Variants in ZBTB4 observed in about 807,000 individuals in gnomAD.
ZBTB4 encodes zinc finger and BTB domain containing 4.
Under a neutral mutation model 59.8 loss-of-function variants are expected in ZBTB4, and 14 were observed. The observed-to-expected ratio is 0.23, with a 90% CI of 0.15 to 0.37. The LOEUF is 0.37. Among genes scored for constraint, ZBTB4 ranks in the 10% least tolerant of loss-of-function variants. ZBTB4 has a pLI of 1.00. For missense variants in ZBTB4, 1,198 were observed against 1,380.8 expected (o/e 0.87, Z 2.10); for synonymous variants, 587 against 575.2 (o/e 1.02, Z -0.29).
chr17:7,462,985 G>A lies in ZBTB4; in HGVS notation c.1997C>T (p.Pro666Leu). The A allele has an allele frequency of 6.2e-7, 1 of 1,609,044 alleles. No homozygotes were observed. The highest frequency in any genetic ancestry group is 8.5e-7 in the Non-Finnish European group (1 of 1,178,420). Residue 666 changes from proline to leucine, a missense_variant, in exon 4 of 4, where the codon CCC becomes CTC. Transcript: ENST00000380599. This position sits in a 1 kb window ranked among gnomAD's most constrained non-coding sequence, Gnocchi z 7.5. ...KAGGEDQLWRPYYSYKPKRKA... is the reference protein window; with the variant it reads ...KAGGEDQLWRLYYSYKPKRKA... ...GCGCTTAGGCTTGTAGGAGTAGTAG[G>A]GCCTCCAGAGCTGGTCCTCCCCACC...
At chr17:7,472,674 C>A (rs1250597485) in intron 1 of ZBTB4, among the ~76,000 whole-genome samples, 1 of 123,500 alleles carries the variant, frequency 8.1e-6, no homozygotes, top group African/African-American at 3.0e-5. Context: ...TGAGGTCTCA[C>A]TCCGTTGCCC....
rs565731887 is a variant in ZBTB4 at position 7,462,632 on chromosome 17, C to T, written c.2350G>A (p.Gly784Arg). ...CKTAAALSRH[G>R]QRHAAERPGG... Reference sequence around the variant, plus strand: ...GGCCGCTCAGCAGCATGCCTCTGCCCGTGGCGGCTCAGGGCAGCTGCGGTC... The same window carrying T: ...GGCCGCTCAGCAGCATGCCTCTGCCTGTGGCGGCTCAGGGCAGCTGCGGTC... The change falls in exon 4 of 4, where the codon GGG (glycine) becomes AGG (arginine). Residue 784 changes from glycine (G) to arginine (R), a missense_variant. By Grantham distance (125) the Gly-to-Arg change is moderately radical. Around this residue, in one of 9 missense-constraint regions of ZBTB4, gnomAD observed 550 missense variants for 541.8 expected, o/e 1.02. Transcript: ENST00000380599. The surrounding 1 kb of genome is among the most constrained non-coding windows in gnomAD (Gnocchi z 7.5). 4.3e-5 allele frequency: 69 copies of T among 1,608,136 alleles called. No individual in the cohort carries two copies. The highest frequency in any genetic ancestry group is 3.9e-4 in the South Asian group (35 of 90,354).
intron 1 of ZBTB4, among the ~76,000 whole-genome samples, chr17:7,470,325 G>C (rs2070182420): frequency 1.3e-5 from 2 of 151,910 alleles, no homozygotes; most frequent in Non-Finnish European, 2.9e-5. Flanking sequence ...TTAAGCCCAG[G>C]AGTTCAAGGC....
At position 7,463,269 on chromosome 17, in the gene ZBTB4, T is replaced by C; in HGVS notation, c.1713A>G (p.Thr571=). The C allele has an allele frequency of 6.2e-7, 1 of 1,611,372 alleles. No homozygotes were observed. Residue 571 remains threonine (T), a synonymous_variant, in exon 4 of 4, where the codon ACA becomes ACG. Transcript: ENST00000380599. ...CACCAATCCCGCCCACTGGCTTGGC[T>C]GTGTAAGTCAGAGTCCTTCCAGCCC... ...NPRAGRTLTY[T]AKPVGGIGGG... is the part of the protein sequence containing the mutation.
upstream of ZBTB4, among the ~76,000 whole-genome samples, chr17:7,483,731 A>T (rs2070376970): frequency 6.6e-6 from 1 of 152,158 alleles, no homozygotes; most frequent in Admixed American, 6.5e-5. Context: ...TCTCCCGGAC[A>T]GTGGCCACCC....
upstream of ZBTB4, chr17:7,482,662 T>C (rs2070361233): frequency 1.9e-6 from 3 of 1,612,044 alleles, no homozygotes; most frequent in Non-Finnish European, 2.5e-6. Flanking sequence ...CCTTCCTATC[T>C]GGCTTGGTGG....
At position 7,466,685 on chromosome 17, in the gene ZBTB4, G is replaced by T. The variant is rs772044668; in HGVS notation, c.117C>A (p.Thr39=). 3 of 1,611,568 alleles carry T rather than the reference G, an allele frequency of 1.9e-6. No homozygotes were observed. In the African/African-American group the frequency reaches 4.0e-5, roughly 22 times the overall value. Residue 39 remains threonine, a synonymous_variant, in exon 3 of 4, where the codon ACC becomes ACA. Coordinates refer to ENST00000380599, the MANE Select transcript of ZBTB4 (RefSeq NM_001128833.2). The surrounding 1 kb of genome is among the most constrained non-coding windows in gnomAD (Gnocchi z 9.1). ...FCDVTLIAGD[T]KFPAHRSVLA... ...GGACGCTGCGGTGAGCAGGGAACTT[G>T]GTGTCTCCGGCTATGAGGGTGACGT...
intron 1 of ZBTB4, among the ~76,000 whole-genome samples, chr17:7,478,560 A>G (rs190964471): frequency 3.5e-4 from 53 of 152,054 alleles, no homozygotes; most frequent in Non-Finnish European, 7.2e-4. Flanking sequence ...GGGCACATAC[A>G]CTGCATCCTG....
chr17:7,470,196 G>A (rs1182115062), intron 1 of ZBTB4, among the ~76,000 whole-genome samples: 2 of 151,958 alleles, frequency 1.3e-5, no homozygotes, highest in Non-Finnish European at 2.9e-5. Context: ...TCAGGAGTTC[G>A]AGACCAGCCT....
chr17:7,482,685 C>T (rs1463047638), upstream of ZBTB4: 1 of 1,612,060 alleles, frequency 6.2e-7, no homozygotes, highest in Non-Finnish European at 8.5e-7. Flanking sequence ...CTGCTGGGCT[C>T]TGTGCCAGGC....
chr17:7,480,422 C>T (rs1414847688), upstream of ZBTB4, among the ~76,000 whole-genome samples: 1 of 152,158 alleles, frequency 6.6e-6, no homozygotes, highest in Non-Finnish European at 1.5e-5. Context: ...AGCTCCTTGC[C>T]TTAAAACCTC....
At chr17:7,475,937 C>G (rs1434049974) in intron 1 of ZBTB4, among the ~76,000 whole-genome samples, 2 of 152,186 alleles carry the variant, frequency 1.3e-5, no homozygotes, top group African/African-American at 4.8e-5. Flanking sequence ...CATAAACCAC[C>G]GCACAAGGTC....
At chr17:7,481,579 C>A, upstream of ZBTB4, 1 of 1,244,870 alleles carries the variant, frequency 8.0e-7, no homozygotes, top group Non-Finnish European at 1.1e-6. Flanking sequence ...TGCTCCATTT[C>A]CCCTCCTTTC....
At position 7,461,873 on chromosome 17, in the gene ZBTB4, G is replaced by A; in HGVS notation, c.*67C>T. 3 of 1,415,884 alleles carry A rather than the reference G, an allele frequency of 2.1e-6. No homozygotes were observed. Among genetic ancestry groups the A allele is most frequent in the African/African-American group, 1.4e-5 (1 of 69,506 alleles). 87.7% of individuals were successfully genotyped at this position (1,415,884 alleles called of 1,614,324 possible). A position where few individuals can be genotyped will look rare whatever the true frequency, so the allele number is the denominator to read the frequency against. Reference sequence around the variant, plus strand: ...GGCTCCCAAGGGGCAGGGAGGCCAGGGAGCTGGTAGTGGTGGGGGGTTCAG... The same window carrying A: ...GGCTCCCAAGGGGCAGGGAGGCCAGAGAGCTGGTAGTGGTGGGGGGTTCAG... On this transcript the variant is annotated 3_prime_UTR_variant, in exon 4 of 4. Coordinates refer to ENST00000380599, the MANE Select transcript of ZBTB4 (RefSeq NM_001128833.2).
At chr17:7,464,349 C>T (rs765390807) in intron 3 of ZBTB4, among the ~76,000 whole-genome samples, 1 of 61,362 alleles carries the variant, frequency 1.6e-5, no homozygotes, top group Non-Finnish European at 5.1e-5. Flanking sequence ...AGCTGATGAA[C>T]CCTGGAGGTG....
chr17:7,466,861 G>A lies in ZBTB4; in HGVS notation c.-9-51C>T. 2 of 1,452,046 alleles carry A rather than the reference G, an allele frequency of 1.4e-6. No individual in the cohort carries two copies. The highest frequency in any genetic ancestry group is 1.8e-6 in the Non-Finnish European group (2 of 1,106,142). The allele number at this position is 1,452,046 out of a possible 1,614,324, so 89.9% of individuals were successfully genotyped here. A position where few individuals can be genotyped will look rare whatever the true frequency, so the allele number is the denominator to read the frequency against. On this transcript the variant is annotated intron_variant, in intron 2 of 3. Transcript: ENST00000380599. The surrounding 1 kb of genome is among the most constrained non-coding windows in gnomAD (Gnocchi z 9.1). The stretch of plus-strand genomic sequence containing the variant: ...TAGAGTCTCAGAGGCTGGGCAGAGG[G>A]CAGGGGCTTCTAAAATCAGGCAGAG...
upstream of ZBTB4, chr17:7,482,692 A>C (rs368460876): frequency 3.5e-5 from 56 of 1,611,874 alleles, no homozygotes; most frequent in African/African-American, 5.7e-4. Context: ...GCTCTGTGCC[A>C]GGCCTCTTTG....
In ZBTB4 at chr17:7,466,055, C is replaced by T; in HGVS notation, c.747G>A (p.Leu249=). 1 of 1,607,748 alleles carries T rather than the reference C, an allele frequency of 6.2e-7. No individual in the cohort carries two copies. Among genetic ancestry groups the T allele is most frequent in the Non-Finnish European group, 8.5e-7 (1 of 1,176,334 alleles). Residue 249 remains leucine, a synonymous_variant, in exon 3 of 4, where the codon CTG becomes CTA. Coordinates refer to ENST00000380599, the MANE Select transcript of ZBTB4 (RefSeq NM_001128833.2). This position sits in a 1 kb window ranked among gnomAD's most constrained non-coding sequence, Gnocchi z 9.1. ...GTCGGCACTGGGCCTCATGGGTCTGCAGCCGTTTGGGATGGATGAAGCTTT... is the reference window on the plus strand; with the variant it reads ...GTCGGCACTGGGCCTCATGGGTCTGTAGCCGTTTGGGATGGATGAAGCTTT... ...CGKSFIHPKR[L]QTHEAQCRRG... is the part of the protein sequence containing the mutation.
Position 7,459,589 on chromosome 17 carries a change from A to G in ZBTB4, c.*2351T>C, listed in dbSNP as rs1372299613. On this transcript the variant is annotated 3_prime_UTR_variant, in exon 4 of 4. Coordinates refer to ENST00000380599, the MANE Select transcript of ZBTB4 (RefSeq NM_001128833.2). The stretch of plus-strand genomic sequence containing the variant: ...AGGGAACATGGGGAAAGAGGGCACG[A>G]ACTGACAAGACTTGATCATTTTCAA... The G allele has an allele frequency of 6.6e-6, 1 of 152,218 alleles. No homozygotes were observed. The highest frequency in any genetic ancestry group is 2.4e-5 in the African/African-American group (1 of 41,428). 9.4% of individuals were successfully genotyped at this position (152,218 alleles called of 1,614,324 possible).
Sources: gnomAD v4.1 joint callset for allele counts (sites outside exome capture counted in the v4.1 genomes callset) on GRCh38, gnomAD v4.1.1 for gene constraint, gnomAD v4.1.1 regional missense constraint, Gnocchi (gnomAD v3.1) non-coding constraint, MANE v1.5 for transcripts, NCBI Gene and HGNC (gene_info 2026-07-23, HGNC 2026-07-21) for gene names.